DPP10: variants seen among roughly 807,000 people sequenced by gnomAD.
DPP10 encodes the protein inactive dipeptidyl peptidase 10.
Under a neutral mutation model 120.9 loss-of-function variants are expected in DPP10, and 33 were observed. The observed-to-expected ratio is 0.27, with a 90% CI of 0.21 to 0.37. The LOEUF is 0.37. DPP10 is among the 10% of genes least tolerant of loss of function. DPP10 has a pLI of 1.00. For missense variants in DPP10, 816 were observed against 942.8 expected (o/e 0.87, Z 1.76); for synonymous variants, 337 against 326.1 (o/e 1.03, Z -0.36).
At chr2:115,155,043 C>A (rs2051810574) in intron 1 of DPP10, among the ~76,000 whole-genome samples, 2 of 151,864 alleles carry the variant, frequency 1.3e-5, no homozygotes, top group Admixed American at 6.6e-5. Context: ...AGTCACGTAC[C>A]ACCACACCAA....
chr2:115,004,414 C>T (rs900755403), intron 1 of DPP10, among the ~76,000 whole-genome samples: 5 of 152,196 alleles, frequency 3.3e-5, no homozygotes, highest in Non-Finnish European at 4.4e-5. Flanking sequence ...CCAGCCTGAG[C>T]GACGCAGAAG....
intron 5 of DPP10, among the ~76,000 whole-genome samples, chr2:115,678,972 C>T (rs1033860477): frequency 6.6e-6 from 1 of 152,172 alleles, no homozygotes; most frequent in African/African-American, 2.4e-5. Flanking sequence ...GCCAGTTTCT[C>T]CCATTTGAAA....
At chr2:114,830,357 G>T (rs1416165867) in intron 1 of DPP10, among the ~76,000 whole-genome samples, 2 of 151,724 alleles carry the variant, frequency 1.3e-5, no homozygotes, top group Non-Finnish European at 2.9e-5. Flanking sequence ...CCCATCCTCT[G>T]TTCTGTGCTG....
chr2:115,060,298 C>T (rs764030799), intron 1 of DPP10, among the ~76,000 whole-genome samples: 12 of 151,608 alleles, frequency 7.9e-5, no homozygotes, highest in Non-Finnish European at 1.5e-4. Context: ...GTAGATTTAT[C>T]GATAGGTATA....
rs144702321 is a variant in DPP10, at chr2:115,053,787, T to C, written c.61-255452T>C. Among the ~76,000 whole-genome samples, 20 of 152,312 alleles carry C rather than the reference T, an allele frequency of 1.3e-4. 1 individual carries two copies. The East Asian group carries it at 3.7e-3, about 28-fold the overall frequency. ...ACTATTGGTCTGAAACTCACAATCA[T>C]GTTAAATCAGGTTTTCCCAATATCC... On this transcript the variant is annotated intron_variant, in intron 1 of 25. Coordinates refer to ENST00000410059, the MANE Select transcript of DPP10 (RefSeq NM_020868.6).
chr2:115,362,870 C>T (rs1372554885), intron 3 of DPP10, among the ~76,000 whole-genome samples: 1 of 152,154 alleles, frequency 6.6e-6, no homozygotes, highest in African/African-American at 2.4e-5. Flanking sequence ...ACACATAGCT[C>T]TTTGCTCTTT....
intron 1 of DPP10, among the ~76,000 whole-genome samples, chr2:115,293,444 A>G (rs1025714036): frequency 1.4e-4 from 22 of 152,080 alleles, no homozygotes; most frequent in African/African-American, 5.3e-4. Flanking sequence ...CACAGCTTCT[A>G]TAGATGTATT....
At chr2:115,573,061 G>T (rs1027071306) in intron 5 of DPP10, among the ~76,000 whole-genome samples, 7 of 152,126 alleles carry the variant, frequency 4.6e-5, no homozygotes, top group Non-Finnish European at 8.8e-5. Context: ...GAATTTGTCA[G>T]CTGGATTCAA....
At position 115,707,421 on chromosome 2, in the gene DPP10, TACACACACACACACACACAC is replaced by T. The variant is rs35961586; in HGVS notation, c.576+17523_576+17542del. On this transcript the variant is annotated intron_variant, in intron 7 of 25. Transcript: ENST00000410059. ...AATTAAGTAAGAAACAAACAAATTT[TACACACACACACACACACAC>T]ACACACACACACACACACACACTCT... Among the ~76,000 whole-genome samples, 308 of 138,802 alleles carry T rather than the reference TACACACACACACACACACAC, an allele frequency of 2.2e-3. 13 individuals are homozygous for T. In the East Asian group the frequency reaches 0.054, roughly 24 times the overall value. 91.1% of individuals were successfully genotyped at this position (138,802 alleles called of 152,430 possible). A position where few individuals can be genotyped will look rare whatever the true frequency, so the allele number is the denominator to read the frequency against.
intron 3 of DPP10, among the ~76,000 whole-genome samples, chr2:115,394,984 A>G (rs1422890653): frequency 6.6e-6 from 1 of 152,240 alleles, no homozygotes; most frequent in East Asian, 1.9e-4. Context: ...CTCCTAATGC[A>G]TACCTCCTAT....
At chr2:115,831,242 C>CT (rs910946458) in intron 21 of DPP10, among the ~76,000 whole-genome samples, 3 of 151,788 alleles carry the variant, frequency 2.0e-5, no homozygotes, top group Non-Finnish European at 4.4e-5. Flanking sequence ...TCACTTCTTT[C>CT]TTTCTTTCTT....
intron 1 of DPP10, among the ~76,000 whole-genome samples, chr2:115,230,083 T>G (rs2057662336): frequency 1.3e-5 from 2 of 151,958 alleles, no homozygotes; most frequent in African/African-American, 2.4e-5. Flanking sequence ...TTCTTGGGTC[T>G]CCTTCAGTTT....
chr2:115,137,609 G>A (rs948715392), intron 1 of DPP10, among the ~76,000 whole-genome samples: 5 of 152,190 alleles, frequency 3.3e-5, no homozygotes, highest in Admixed American at 6.5e-5. Context: ...AGGAGGCCAG[G>A]CTCTAGTTAA....
chr2:114,482,438 C>T (rs1427407988), intron 1 of DPP10, among the ~76,000 whole-genome samples: 1 of 152,124 alleles, frequency 6.6e-6, no homozygotes, highest in Non-Finnish European at 1.5e-5. Context: ...TCAAACGTAT[C>T]AGTTATCTAT....
chr2:114,755,792 A>T (rs148858245), intron 1 of DPP10, among the ~76,000 whole-genome samples: 8 of 152,302 alleles, frequency 5.3e-5, no homozygotes, highest in Non-Finnish European at 1.2e-4. Flanking sequence ...TAAAATAGGG[A>T]GTAGTCACAC....
chr2:115,436,955 T>C (rs1046190365), intron 3 of DPP10, among the ~76,000 whole-genome samples: 4 of 151,970 alleles, frequency 2.6e-5, no homozygotes, highest in Admixed American at 6.6e-5. Context: ...GTATGTAAGA[T>C]ACTGCAATTT....
At chr2:115,062,128 CTGTGTGTGTG>C (rs61413782) in intron 1 of DPP10, among the ~76,000 whole-genome samples, 328 of 143,966 alleles carry the variant, frequency 2.3e-3, no homozygotes, top group East Asian at 5.1e-3. Flanking sequence ...GATTACAGTT[CTGTGTGTGTG>C]TGTGTGTGTG....
chr2:115,133,911 G>A (rs867790402), intron 1 of DPP10, among the ~76,000 whole-genome samples: 7 of 152,258 alleles, frequency 4.6e-5, no homozygotes, highest in Middle Eastern at 3.4e-3. Flanking sequence ...ATTGATGGAT[G>A]GGCCTTGCTG....
At chr2:115,466,742 A>G (rs757950008) in intron 3 of DPP10, among the ~76,000 whole-genome samples, 3 of 152,180 alleles carry the variant, frequency 2.0e-5, no homozygotes, top group Non-Finnish European at 4.4e-5. Context: ...CTTGTCAGAA[A>G]TGTAGTTCTA....
Sources: allele counts gnomAD v4.1 joint callset (sites outside exome capture counted in the v4.1 genomes callset), GRCh38; gene constraint gnomAD v4.1.1; transcripts MANE v1.5; gene names NCBI Gene and HGNC (gene_info 2026-07-23, HGNC 2026-07-21).